The following FHOD3 variants were observed in gnomAD, a reference collection of about 807,000 sequenced individuals.
The protein encoded by FHOD3 is FH1/FH2 domain-containing protein 3.
A neutral mutation model predicts 173.0 loss-of-function variants in FHOD3; 90 were observed. That is an observed-to-expected ratio of 0.52 (90% confidence interval 0.44 to 0.62). The LOEUF is 0.62. FHOD3 is among the 20% of genes least tolerant of loss of function. The probability of loss-of-function intolerance (pLI) is 0.00; values close to 1 mark genes in which losing one functional copy is unlikely to be tolerated. For missense variants in FHOD3, 1,945 were observed against 2,034.7 expected, an observed-to-expected ratio of 0.96 and a Z score of 0.85; for synonymous variants, 828 against 823.0, an observed-to-expected ratio of 1.01 and a Z score of -0.10.
intron 3 of FHOD3, among the ~76,000 whole-genome samples, chr18:36,375,012 T>G (rs2146145305): frequency 6.6e-6 from 1 of 152,336 alleles, no homozygotes; most frequent in African/African-American, 2.4e-5. Flanking sequence ...TTTTTAAAAT[T>G]CCATTTCCTA....
At chr18:36,341,248 A>G (rs957610226) in intron 1 of FHOD3, among the ~76,000 whole-genome samples, 1 of 152,202 alleles carries the variant, frequency 6.6e-6, no homozygotes, top group Non-Finnish European at 1.5e-5. Context: ...AATAGTAAAT[A>G]TTTTTAGCTA....
intron 3 of FHOD3, among the ~76,000 whole-genome samples, chr18:36,463,222 G>A (rs543813459): frequency 2.7e-4 from 41 of 150,814 alleles, no homozygotes; most frequent in African/African-American, 9.2e-4. Context: ...CATTATCTCT[G>A]TTCATTTAGA....
intron 17 of FHOD3, among the ~76,000 whole-genome samples, chr18:36,702,007 G>A (rs928555992): frequency 6.6e-6 from 1 of 152,170 alleles, no homozygotes; most frequent in Non-Finnish European, 1.5e-5. Flanking sequence ...TAAAAATTAG[G>A]CTATTGAATC....
chr18:36,651,089 T>C (rs2036017974), intron 11 of FHOD3, among the ~76,000 whole-genome samples: 1 of 152,178 alleles, frequency 6.6e-6, no homozygotes, highest in Non-Finnish European at 1.5e-5. Flanking sequence ...TTCCTTCTGT[T>C]GGGTTGGTGT....
chr18:36,408,779 A>G (rs565194154), intron 3 of FHOD3, among the ~76,000 whole-genome samples: 5 of 152,152 alleles, frequency 3.3e-5, no homozygotes, highest in Non-Finnish European at 7.4e-5. Flanking sequence ...AAGGATGTCT[A>G]GCGCCCAGGA....
intron 5 of FHOD3, among the ~76,000 whole-genome samples, chr18:36,541,053 C>A (rs988534114): frequency 2.0e-5 from 3 of 151,254 alleles, no homozygotes; most frequent in East Asian, 1.9e-4. Context: ...GAGTTAGAGA[C>A]CAGCCTGGCC....
intron 4 of FHOD3, among the ~76,000 whole-genome samples, chr18:36,504,029 A>G (rs1412633888): frequency 6.6e-6 from 1 of 152,066 alleles, no homozygotes; most frequent in Non-Finnish European, 1.5e-5. Flanking sequence ...GGTTCAAGTG[A>G]TTCTCCTGCC....
At chr18:36,750,454 T>A (rs952894903) in intron 24 of FHOD3, among the ~76,000 whole-genome samples, 1 of 152,250 alleles carries the variant, frequency 6.6e-6, no homozygotes. Flanking sequence ...ACTCTGTTGA[T>A]AGTTTCTTTT....
intron 3 of FHOD3, among the ~76,000 whole-genome samples, chr18:36,399,949 G>A (rs1016146576): frequency 3.3e-5 from 5 of 152,180 alleles, no homozygotes; most frequent in African/African-American, 4.8e-5. Context: ...TGCTCCTTCT[G>A]AATCATAGAG....
chr18:36,332,398 G>A (rs1414040139), intron 1 of FHOD3, among the ~76,000 whole-genome samples: 1 of 152,218 alleles, frequency 6.6e-6, no homozygotes, highest in African/African-American at 2.4e-5. Context: ...CTAGAGGGAA[G>A]GAGACATGAT....
intron 3 of FHOD3, among the ~76,000 whole-genome samples, chr18:36,423,210 G>C (rs1361867853): frequency 6.6e-6 from 1 of 152,072 alleles, no homozygotes; most frequent in East Asian, 1.9e-4. Flanking sequence ...ACTTCGATAA[G>C]AGCAATATAC....
chr18:36,768,379 C>T (rs563138773), intron 27 of FHOD3, among the ~76,000 whole-genome samples: 3 of 152,286 alleles, frequency 2.0e-5, no homozygotes, highest in South Asian at 4.1e-4. Context: ...CAGATTTTTT[C>T]CAACAATACA....
chr18:36,728,392 T>G (rs533984062), intron 19 of FHOD3, among the ~76,000 whole-genome samples: 2 of 152,328 alleles, frequency 1.3e-5, no homozygotes, highest in Admixed American at 1.3e-4. Flanking sequence ...AAAGTTAAAT[T>G]GAGAATTTCC....
At chr18:36,301,106 T>C (rs1337314623) in intron 1 of FHOD3, among the ~76,000 whole-genome samples, 2 of 152,150 alleles carry the variant, frequency 1.3e-5, no homozygotes, top group Non-Finnish European at 1.5e-5. Flanking sequence ...AAGTGTGCAG[T>C]TGGGTGAATC....
chr18:36,660,577 G>A (rs2149215004), intron 14 of FHOD3, among the ~76,000 whole-genome samples: 1 of 152,326 alleles, frequency 6.6e-6, no homozygotes, highest in Middle Eastern at 3.4e-3. Flanking sequence ...GAGGGTAAGA[G>A]GAGACGCAAA....
chr18:36,497,843 T>G (rs2054827852), intron 3 of FHOD3, among the ~76,000 whole-genome samples: 1 of 152,202 alleles, frequency 6.6e-6, no homozygotes, highest in Non-Finnish European at 1.5e-5. Flanking sequence ...GACACCACTA[T>G]TACTCAATTT....
intron 3 of FHOD3, among the ~76,000 whole-genome samples, chr18:36,470,591 T>A (rs962869558): frequency 1.3e-5 from 2 of 152,214 alleles, no homozygotes; most frequent in Non-Finnish European, 2.9e-5. Flanking sequence ...TGTAATTGTA[T>A]CGTTCTAATA....
chr18:36,358,667 T>C (rs531361473), intron 2 of FHOD3, among the ~76,000 whole-genome samples: 69 of 152,326 alleles, frequency 4.5e-4, no homozygotes, highest in African/African-American at 1.5e-3. Context: ...AAATTTTTTT[T>C]AGAAAAATTT....
At chr18:36,689,692 G>T (rs1015022969) in intron 16 of FHOD3, among the ~76,000 whole-genome samples, 3 of 152,206 alleles carry the variant, frequency 2.0e-5, no homozygotes, top group African/African-American at 7.2e-5. Context: ...GGGGTGTGTT[G>T]TGGGGTAGCA....
Sources: allele counts gnomAD v4.1 joint callset (sites outside exome capture counted in the v4.1 genomes callset), GRCh38; gene constraint gnomAD v4.1.1; transcripts MANE v1.5; gene names NCBI Gene and HGNC (gene_info 2026-07-23, HGNC 2026-07-21).